LDB3: variants seen among roughly 807,000 people sequenced by gnomAD.
The protein encoded by LDB3 is LIM domain-binding protein 3.
LDB3 carries 49 observed loss-of-function variants against 69.0 expected under a neutral mutation model. That is an observed-to-expected ratio of 0.71 (90% CI 0.56 to 0.90). The LOEUF (loss-of-function observed/expected upper bound fraction) is 0.90. Among genes scored for constraint, LDB3 ranks in the 40% least tolerant of loss-of-function variants. LDB3 has a pLI of 0.00. For synonymous variants in LDB3, 387 were observed against 396.2 expected (o/e 0.98, Z 0.28); for missense variants, 928 against 974.1 (o/e 0.95, Z 0.63).
At chr10:86,678,311 A>G (rs1844916685) in intron 2 of LDB3, among the ~76,000 whole-genome samples, 1 of 146,976 alleles carries the variant, frequency 6.8e-6, no homozygotes, top group African/African-American at 2.5e-5. Flanking sequence ...TGCTGGGATT[A>G]CAGGCATGAG....
intron 5 of LDB3, chr10:86,685,592 A>G (rs1046378079): frequency 2.2e-6 from 3 of 1,375,988 alleles, no homozygotes; most frequent in African/African-American, 1.4e-5. Flanking sequence ...CACAATGACC[A>G]GGCTGATGAT....
intron 12 of LDB3, among the ~76,000 whole-genome samples, chr10:86,722,291 C>T (rs1278760002): frequency 2.0e-5 from 3 of 152,188 alleles, no homozygotes; most frequent in African/African-American, 7.2e-5. Flanking sequence ...GACGGAGTCT[C>T]GCTCTGTTGC....
intron 13 of LDB3, among the ~76,000 whole-genome samples, chr10:86,731,264 G>A (rs191671144): frequency 1.7e-4 from 21 of 121,360 alleles, no homozygotes; most frequent in African/African-American, 4.2e-4. Flanking sequence ...TCGCTCTGTC[G>A]CCCAGGCTTG....
chr10:86,727,655 GA>G (rs1157523858), intron 13 of LDB3, among the ~76,000 whole-genome samples: 1 of 152,138 alleles, frequency 6.6e-6, no homozygotes, highest in Non-Finnish European at 1.5e-5. Context: ...TCAAGGTGCT[GA>G]CAGGAGGCCA....
chr10:86,681,339 C>G lies in LDB3; in HGVS notation c.322-97C>G, dbSNP rs887533507. Reference sequence around the variant, plus strand: ...TGGGCTTCAGGCTGCGGGGCTCGCGCTAACACATCTGTTTCAGGTCCACGC... The same window carrying G: ...TGGGCTTCAGGCTGCGGGGCTCGCGGTAACACATCTGTTTCAGGTCCACGC... On this transcript the variant is annotated intron_variant, in intron 4 of 13. Transcript: ENST00000361373. The G allele has an allele frequency of 1.9e-6, 3 of 1,563,516 alleles. No individual in the cohort carries two copies. The African/African-American group carries it at 4.0e-5, about 21-fold the overall frequency.
At chr10:86,671,984 T>C (rs1191366424) in intron 2 of LDB3, among the ~76,000 whole-genome samples, 1 of 152,146 alleles carries the variant, frequency 6.6e-6, no homozygotes, top group Non-Finnish European at 1.5e-5. Flanking sequence ...TGGTGGTACA[T>C]GCTTGTGATC....
In LDB3 at chr10:86,710,103, G is replaced by A. The variant is rs1351127107; in HGVS notation, c.1231+53G>A. 7.5e-6 allele frequency: 12 copies of A among 1,597,844 alleles called. No individual in the cohort carries two copies. The Middle Eastern group carries it at 5.0e-4, about 67-fold the overall frequency. On this transcript the variant is annotated intron_variant, in intron 9 of 13. Coordinates refer to ENST00000361373, the MANE Select transcript of LDB3 (RefSeq NM_007078.3). Reference sequence around the variant, plus strand: ...GTCGAAAGCCATGGGCGGGCTCCAGGAGCCACAAGAGCCAAGAAGTGGCTC... The same window carrying A: ...GTCGAAAGCCATGGGCGGGCTCCAGAAGCCACAAGAGCCAAGAAGTGGCTC...
At chr10:86,697,545 CTTTCTTTT>C (rs1175027899) in intron 7 of LDB3, among the ~76,000 whole-genome samples, 2 of 125,646 alleles carry the variant, frequency 1.6e-5, no homozygotes, top group East Asian at 5.1e-4. Flanking sequence ...CTTTTTCTTT[CTTTCTTTT>C]TTTTTTTTTT....
chr10:86,698,935 A>G (rs949186003), intron 7 of LDB3, among the ~76,000 whole-genome samples: 7 of 152,028 alleles, frequency 4.6e-5, no homozygotes, highest in Admixed American at 1.3e-4. Flanking sequence ...CACTACATGG[A>G]CCAGGGAGGC....
upstream of LDB3, among the ~76,000 whole-genome samples, chr10:86,667,229 C>A (rs915105708): frequency 2.6e-5 from 4 of 152,082 alleles, no homozygotes; most frequent in African/African-American, 9.7e-5. Context: ...ATGTGCCAGG[C>A]CCCAGGAGTG....
Position 86,718,757 on chromosome 10 carries a change from C to A in LDB3, c.1888C>A (p.His630Asn), listed in dbSNP as rs2132487146. The A allele has an allele frequency of 1.2e-6, 2 of 1,614,192 alleles. No homozygotes were observed. Among genetic ancestry groups the A allele is most frequent in the Non-Finnish European group, 1.7e-6 (2 of 1,180,028 alleles). ...AATGCATGCCTTGAGACAGACATGG[C>A]ACACCACCTGCTTCGTCTGTGCGGC... Reference protein sequence around the residue: ...EVMHALRQTWHTTCFVCAACK... With the variant: ...EVMHALRQTWNTTCFVCAACK... Residue 630 changes from histidine (H) to asparagine (N), a missense_variant, in exon 12 of 14, where the codon CAC becomes AAC. Physicochemically the swap from His to Asn is moderately conservative, Grantham distance 68. Coordinates refer to ENST00000361373, the MANE Select transcript of LDB3 (RefSeq NM_007078.3).
At chr10:86,683,818 C>T (rs11599515) in intron 5 of LDB3, among the ~76,000 whole-genome samples, 19,652 of 152,260 alleles carry the variant, frequency 0.13, 1,426 homozygotes, top group African/African-American at 0.19. Context: ...GGCTAATCCC[C>T]GTGCTTATCC....
chr10:86,697,894 C>T (rs1846081022), intron 7 of LDB3, among the ~76,000 whole-genome samples: 1 of 152,168 alleles, frequency 6.6e-6, no homozygotes, highest in African/African-American at 2.4e-5. Flanking sequence ...ATTGCAAATT[C>T]AGTGCAGTTA....
At position 86,734,082 on chromosome 10, in the gene LDB3, C is replaced by T. The variant is rs1215856305; in HGVS notation, c.*1106C>T. 6.6e-6 allele frequency: 1 copy of T among 152,206 alleles called. No homozygotes were observed. The highest frequency in any genetic ancestry group is 2.4e-5 in the African/African-American group (1 of 41,458). The allele number at this position is 152,206 out of a possible 1,614,324, so 9.4% of individuals were successfully genotyped here. A position where few individuals can be genotyped will look rare whatever the true frequency, so the allele number is the denominator to read the frequency against. ...GTAAGAACACACGAGGAGGCAGGAC[C>T]TCCCACCTTCAGGTCTGCATCATCC... On this transcript the variant is annotated 3_prime_UTR_variant, in exon 14 of 14. Transcript: ENST00000361373.
At chr10:86,676,661 G>C (rs1264130110) in intron 2 of LDB3, among the ~76,000 whole-genome samples, 1 of 152,154 alleles carries the variant, frequency 6.6e-6, no homozygotes, top group African/African-American at 2.4e-5. Context: ...GGGCTGTCCT[G>C]GTCTTGCCGT....
intron 5 of LDB3, 57 bp downstream of exon 5, chr10:86,681,860 G>C: frequency 1.3e-6 from 2 of 1,506,846 alleles, no homozygotes; most frequent in South Asian, 1.3e-5. Flanking sequence ...GGTCCTCGGT[G>C]CTCGGCAGAG....
chr10:86,673,658 T>A (rs1250793235), intron 2 of LDB3, among the ~76,000 whole-genome samples: 7 of 152,022 alleles, frequency 4.6e-5, no homozygotes, highest in Admixed American at 1.3e-4. Flanking sequence ...AGTAATTTAA[T>A]CATACAATGA....
At chr10:86,728,586 G>GTTTTTTTTTTTTT (rs201899694) in intron 13 of LDB3, among the ~76,000 whole-genome samples, 8 of 131,452 alleles carry the variant, frequency 6.1e-5, no homozygotes, top group Admixed American at 1.6e-4. Flanking sequence ...TGGTTCTTTT[G>GTTTTTTTTTTTTT]TTTTTTTTTT....
rs1344277755 is a variant in LDB3 at position 86,735,819 on chromosome 10, TG to T, written c.*2844del. The T allele has an allele frequency of 1.3e-5, 2 of 151,838 alleles. No homozygotes were observed. Among genetic ancestry groups the T allele is most frequent in the African/African-American group, 2.4e-5 (1 of 41,338 alleles). The allele number at this position is 151,838 out of a possible 1,614,324, so 9.4% of individuals were successfully genotyped here. ...AAAAAAAATTATAATCACAACTTTT[TG>T]CAATGGAGTGACTTATATCTGCAGC... On this transcript the variant is annotated 3_prime_UTR_variant, in exon 14 of 14. Coordinates refer to ENST00000361373, the MANE Select transcript of LDB3 (RefSeq NM_007078.3).
Sources: gnomAD v4.1 joint callset for allele counts (sites outside exome capture counted in the v4.1 genomes callset) on GRCh38, gnomAD v4.1.1 for gene constraint, MANE v1.5 for transcripts, NCBI Gene and HGNC (gene_info 2026-07-23, HGNC 2026-07-21) for gene names.